Variants in TMTC2 observed in about 807,000 individuals in gnomAD.
TMTC2 encodes protein O-mannosyl-transferase TMTC2.
In TMTC2, 43 loss-of-function variants were observed where a neutral mutation model predicts 82.4. The observed-to-expected ratio is 0.52, with a 90% CI of 0.41 to 0.67. The LOEUF is 0.67. Ranked by LOEUF, TMTC2 falls within the 30% of genes least tolerant of loss-of-function variation. TMTC2 has a pLI of 0.00. For missense variants in TMTC2, 919 were observed against 1,012.4 expected (o/e 0.91, Z 1.25); for synonymous variants, 408 against 381.9 (o/e 1.07, Z -0.80).
chr12:82,837,110 C>T (rs1870088412), intron 1 of TMTC2, among the ~76,000 whole-genome samples: 1 of 152,172 alleles, frequency 6.6e-6, no homozygotes, highest in Admixed American at 6.6e-5. Flanking sequence ...GAAGCCTATT[C>T]TTGGAGCCTC....
At chr12:82,944,267 G>A (rs546832586) in intron 4 of TMTC2, among the ~76,000 whole-genome samples, 12 of 152,132 alleles carry the variant, frequency 7.9e-5, no homozygotes, top group Non-Finnish European at 1.5e-4. Flanking sequence ...AGGGAATACC[G>A]ATATTTAAGG....
chr12:82,727,355 G>GT (rs1315264396), intron 1 of TMTC2, among the ~76,000 whole-genome samples: 1 of 151,982 alleles, frequency 6.6e-6, no homozygotes, highest in East Asian at 1.9e-4. Context: ...ATGATTCTCT[G>GT]TTATTGGTGA....
At chr12:82,785,984 T>C (rs1308485777) in intron 1 of TMTC2, among the ~76,000 whole-genome samples, 1 of 152,140 alleles carries the variant, frequency 6.6e-6, no homozygotes, top group Non-Finnish European at 1.5e-5. Flanking sequence ...TTAGATTTCT[T>C]CCCATGTTCT....
chr12:82,926,376 A>G (rs1875717579), intron 3 of TMTC2, among the ~76,000 whole-genome samples: 2 of 152,334 alleles, frequency 1.3e-5, no homozygotes, highest in South Asian at 2.1e-4. Context: ...ACTCTCTTCA[A>G]TTCTATGAAG....
intron 9 of TMTC2, among the ~76,000 whole-genome samples, chr12:83,046,278 A>G (rs1160873496): frequency 6.6e-6 from 1 of 152,096 alleles, no homozygotes; most frequent in Admixed American, 6.6e-5. Context: ...ATGGTGAAAA[A>G]CATTTATTTT....
chr12:82,858,906 C>T (rs1399035002), intron 2 of TMTC2, among the ~76,000 whole-genome samples: 1 of 151,976 alleles, frequency 6.6e-6, no homozygotes, highest in Non-Finnish European at 1.5e-5. Flanking sequence ...TTCATCTAAC[C>T]CAATGTCATC....
intron 1 of TMTC2, among the ~76,000 whole-genome samples, chr12:82,813,912 G>C (rs1251630314): frequency 6.6e-6 from 1 of 152,006 alleles, no homozygotes; most frequent in Non-Finnish European, 1.5e-5. Flanking sequence ...ATTTCCTCTG[G>C]TTTTAATGTT....
intron 2 of TMTC2, among the ~76,000 whole-genome samples, chr12:82,871,719 G>GTGTGT (rs952847403): frequency 3.4e-5 from 5 of 148,798 alleles, no homozygotes; most frequent in Admixed American, 1.3e-4. Flanking sequence ...GTGTGTGTGT[G>GTGTGT]TTTTAAGACC....
chr12:82,936,366 G>A (rs1876318948), intron 4 of TMTC2, among the ~76,000 whole-genome samples: 1 of 151,830 alleles, frequency 6.6e-6, no homozygotes, highest in Non-Finnish European at 1.5e-5. Flanking sequence ...CAATGTATCT[G>A]ACTAAATTTA....
intron 4 of TMTC2, among the ~76,000 whole-genome samples, chr12:82,937,750 GTATATATATATATA>G (rs1162321741): frequency 0.01 from 1,096 of 105,970 alleles, 39 homozygotes; most frequent in African/African-American, 0.049. Context: ...GTGTGTGTGT[GTATATATATATATA>G]TATATATATA....
At chr12:82,969,916 A>G (rs912773932) in intron 7 of TMTC2, among the ~76,000 whole-genome samples, 1 of 152,232 alleles carries the variant, frequency 6.6e-6, no homozygotes, top group Non-Finnish European at 1.5e-5. Context: ...TTTATAAACA[A>G]AAGCTAAAAT....
rs200466487 is a variant in TMTC2, at chr12:82,967,003, T to C, written c.1948+6T>C. The C allele has an allele frequency of 6.2e-7, 1 of 1,607,888 alleles. No homozygotes were observed. Among genetic ancestry groups the C allele is most frequent in the South Asian group, 1.1e-5 (1 of 90,348 alleles). On this transcript the variant is annotated splice_donor_region_variant and intron_variant, in intron 7 of 11. Transcript: ENST00000321196. Reference sequence around the variant, plus strand: ...GAGCTTGTACAACATGATGGGTAAGTAAAACATTAACACTTTTAAATTGAT... The same window carrying C: ...GAGCTTGTACAACATGATGGGTAAGCAAAACATTAACACTTTTAAATTGAT...
chr12:82,946,285 T>A (rs962481800), intron 4 of TMTC2, among the ~76,000 whole-genome samples: 2 of 152,214 alleles, frequency 1.3e-5, no homozygotes, highest in Admixed American at 1.3e-4. Context: ...ATTCTTAGTG[T>A]CTGCAATAGT....
chr12:82,770,366 TTTACTC>T (rs989248040), intron 1 of TMTC2, among the ~76,000 whole-genome samples: 3 of 152,140 alleles, frequency 2.0e-5, no homozygotes, highest in African/African-American at 7.2e-5. Flanking sequence ...TCAAATATGT[TTTACTC>T]TATTGCAGAA....
At chr12:83,107,884 G>A (rs937525048) in intron 11 of TMTC2, among the ~76,000 whole-genome samples, 18 of 152,114 alleles carry the variant, frequency 1.2e-4, no homozygotes, top group Non-Finnish European at 2.1e-4. Flanking sequence ...CGTTGAATTG[G>A]AATTCCCAGT....
intron 11 of TMTC2, among the ~76,000 whole-genome samples, chr12:83,121,794 T>A (rs907014129): frequency 6.6e-6 from 1 of 152,108 alleles, no homozygotes; most frequent in Non-Finnish European, 1.5e-5. Flanking sequence ...GCTAGGCGTG[T>A]CTGAGCTCAC....
chr12:83,132,140 G>A, intron 11 of TMTC2, 70 bp from the exon 12 acceptor site: 1 of 1,515,410 alleles, frequency 6.6e-7, no homozygotes, highest in South Asian at 1.3e-5. Flanking sequence ...AGTGGATGAA[G>A]ATTTTTGTTT....
intron 3 of TMTC2, among the ~76,000 whole-genome samples, chr12:82,912,711 G>T (rs1165501625): frequency 2.0e-5 from 3 of 152,142 alleles, no homozygotes; most frequent in Non-Finnish European, 4.4e-5. Flanking sequence ...GCAGAGATGG[G>T]TGGATCACTT....
chr12:83,014,581 T>C (rs1796293), intron 8 of TMTC2, among the ~76,000 whole-genome samples: 120,005 of 152,128 alleles, frequency 0.79, 48,191 homozygotes, highest in South Asian at 0.93. Flanking sequence ...TCAAGTGATC[T>C]GCCCCTCTCA....
Sources: allele counts gnomAD v4.1 joint callset (sites outside exome capture counted in the v4.1 genomes callset), GRCh38; gene constraint gnomAD v4.1.1; transcripts MANE v1.5; gene names NCBI Gene and HGNC (gene_info 2026-07-23, HGNC 2026-07-21).